Variants in SLC35F3 observed in about 807,000 individuals in gnomAD.
SLC35F3 encodes solute carrier family 35 member F3.
A neutral mutation model predicts 49.9 loss-of-function variants in SLC35F3; 25 were observed. The observed-to-expected ratio is 0.50, with a 90% CI of 0.37 to 0.70. The LOEUF (loss-of-function observed/expected upper bound fraction) is 0.70. Among genes scored for constraint, SLC35F3 ranks in the 30% least tolerant of loss-of-function variants. The probability of loss-of-function intolerance (pLI) is 0.00; values close to 1 mark genes in which losing one functional copy is unlikely to be tolerated. For synonymous variants in SLC35F3, 275 were observed against 265.4 expected (o/e 1.04, Z -0.35); for missense variants, 525 against 639.8 (o/e 0.82, Z 1.94).
chr1:234,243,287 A>G (rs1477320467), intron 3 of SLC35F3, among the ~76,000 whole-genome samples: 3 of 152,132 alleles, frequency 2.0e-5, no homozygotes, highest in Admixed American at 6.6e-5. Flanking sequence ...CCTGGGAGAC[A>G]GAGGTTGCAG....
chr1:233,926,797 G>A (rs1662167581), intron 2 of SLC35F3, among the ~76,000 whole-genome samples: 1 of 152,114 alleles, frequency 6.6e-6, no homozygotes, highest in Non-Finnish European at 1.5e-5. Flanking sequence ...CTTTGATGAT[G>A]GCGACCTACA....
chr1:234,315,816 G>GT (rs541891027), intron 4 of SLC35F3, among the ~76,000 whole-genome samples: 121 of 152,190 alleles, frequency 8.0e-4, no homozygotes, highest in Non-Finnish European at 1.5e-3. Context: ...ATCAGTCCTT[G>GT]TATTGATTCT....
chr1:234,299,142 T>C (rs942058003), intron 3 of SLC35F3, among the ~76,000 whole-genome samples: 1 of 152,164 alleles, frequency 6.6e-6, no homozygotes, highest in Non-Finnish European at 1.5e-5. Flanking sequence ...CAGAAGTCAA[T>C]TTAAATTCCA....
At chr1:234,275,771 T>C (rs1668200047) in intron 3 of SLC35F3, among the ~76,000 whole-genome samples, 1 of 144,216 alleles carries the variant, frequency 6.9e-6, no homozygotes. Context: ...AAAATATATA[T>C]ATATATATAT....
At position 234,263,513 on chromosome 1, in the gene SLC35F3, A is replaced by G. The variant is rs556447045; in HGVS notation, c.608+31772A>G. On this transcript the variant is annotated intron_variant, in intron 3 of 7. Coordinates refer to ENST00000366618, the MANE Select transcript of SLC35F3 (RefSeq NM_173508.4). ...GCAACAGCATTTTGAGCCTTGATTT[A>G]AGGCTGGGAGGTTCTCAAAATGTGA... Among the ~76,000 whole-genome samples the G allele has an allele frequency of 2.0e-5, 3 of 152,212 alleles. 1 individual carries two copies. The highest frequency in any genetic ancestry group is 7.2e-5 in the African/African-American group (3 of 41,530).
rs557308033 is a variant in SLC35F3, at chr1:234,320,584, G to GA, written c.1237+405dup. On this transcript the variant is annotated intron_variant, in intron 7 of 7. Coordinates refer to ENST00000366618, the MANE Select transcript of SLC35F3 (RefSeq NM_173508.4). The surrounding 1 kb of genome is among the most constrained non-coding windows in gnomAD (Gnocchi z 4.8). ...AACAAATGTAGGAAATGATGTAGCAGAAAAAAAATGTCACTTTTGCAGGTA... is the reference window on the plus strand; with the variant it reads ...AACAAATGTAGGAAATGATGTAGCAGAAAAAAAAATGTCACTTTTGCAGGTA... 3.9e-5 allele frequency among the ~76,000 whole-genome samples: 6 copies of GA among 152,056 alleles called. No homozygotes were observed. The highest frequency in any genetic ancestry group is 2.1e-4 in the South Asian group (1 of 4,816).
In SLC35F3 at chr1:234,316,591, C is replaced by G. The variant is rs758067799; in HGVS notation, c.829-11C>G. On this transcript the variant is annotated splice_polypyrimidine_tract_variant and intron_variant, in intron 4 of 7. Coordinates refer to ENST00000366618, the MANE Select transcript of SLC35F3 (RefSeq NM_173508.4). ...GACTTCCCTGACCAGCATTTTCTTC[C>G]GTCTGTCCAGATTGTGGCCGCCATC... The G allele has an allele frequency of 7.5e-6, 12 of 1,600,562 alleles. No individual in the cohort carries two copies. The South Asian group carries it at 8.8e-5, about 12-fold the overall frequency.
chr1:234,260,718 T>C (rs994968677), intron 3 of SLC35F3, among the ~76,000 whole-genome samples: 1 of 152,160 alleles, frequency 6.6e-6, no homozygotes, highest in Non-Finnish European at 1.5e-5. Flanking sequence ...CTTAATGTAG[T>C]CAGGTTAGTA....
chr1:234,241,056 G>T (rs149110966), intron 3 of SLC35F3, among the ~76,000 whole-genome samples: 1 of 152,316 alleles, frequency 6.6e-6, no homozygotes, highest in Admixed American at 6.5e-5. Flanking sequence ...AAGCAAAAAG[G>T]AGAAAACATG....
At chr1:234,201,102 A>G (rs1408643560) in intron 2 of SLC35F3, among the ~76,000 whole-genome samples, 1 of 152,226 alleles carries the variant, frequency 6.6e-6, no homozygotes, top group Non-Finnish European at 1.5e-5. Flanking sequence ...GCAGCAGAGA[A>G]CAGTCACCAA....
intron 2 of SLC35F3, among the ~76,000 whole-genome samples, chr1:233,932,072 T>A (rs1167467386): frequency 6.6e-6 from 1 of 151,788 alleles, no homozygotes; most frequent in South Asian, 2.1e-4. Context: ...ATATTCTCAC[T>A]CATAAGTGGA....
chr1:234,025,519 G>A (rs137979967), intron 2 of SLC35F3, among the ~76,000 whole-genome samples: 102 of 152,268 alleles, frequency 6.7e-4, no homozygotes, highest in Non-Finnish European at 9.4e-4. Flanking sequence ...ATTCTGACTG[G>A]TTTGAGATGG....
chr1:233,984,910 A>G (rs1663242442), intron 2 of SLC35F3, among the ~76,000 whole-genome samples: 1 of 152,182 alleles, frequency 6.6e-6, no homozygotes, highest in Non-Finnish European at 1.5e-5. Context: ...AGCTGCTATC[A>G]TCTTCTTGTT....
intron 2 of SLC35F3, among the ~76,000 whole-genome samples, chr1:234,161,886 G>A (rs778930470): frequency 5.9e-5 from 9 of 152,098 alleles, no homozygotes; most frequent in Admixed American, 3.3e-4. Flanking sequence ...TGGATCTCCC[G>A]CTGAATGCAA....
intron 2 of SLC35F3, among the ~76,000 whole-genome samples, chr1:234,185,246 G>A (rs1033605898): frequency 1.3e-5 from 2 of 152,168 alleles, no homozygotes; most frequent in East Asian, 1.9e-4. Context: ...GAGAAGGAGA[G>A]GACACTTTGG....
At chr1:234,017,763 T>G (rs1572021097) in intron 2 of SLC35F3, among the ~76,000 whole-genome samples, 1 of 146,810 alleles carries the variant, frequency 6.8e-6, no homozygotes, top group South Asian at 2.2e-4. Flanking sequence ...GGTGCAAAAG[T>G]AATTGCTGTT....
At chr1:234,107,750 A>G (rs2061404) in intron 2 of SLC35F3, among the ~76,000 whole-genome samples, 21,805 of 152,160 alleles carry the variant, frequency 0.14, 3,243 homozygotes, top group East Asian at 0.81. Context: ...TTTACAAATC[A>G]AATGAGAAAG....
At chr1:234,158,028 C>T (rs746879224) in intron 2 of SLC35F3, among the ~76,000 whole-genome samples, 1 of 152,192 alleles carries the variant, frequency 6.6e-6, no homozygotes, top group Non-Finnish European at 1.5e-5. Context: ...CAGTCATCTA[C>T]TTCCGGGACT....
intron 2 of SLC35F3, among the ~76,000 whole-genome samples, chr1:234,149,651 C>T (rs1666043340): frequency 6.6e-6 from 1 of 152,072 alleles, no homozygotes; most frequent in Non-Finnish European, 1.5e-5. Flanking sequence ...TTTCTTCCTG[C>T]CCTTAAAAAA....
Sources: allele counts gnomAD v4.1 joint callset (sites outside exome capture counted in the v4.1 genomes callset), GRCh38; gene constraint gnomAD v4.1.1; non-coding constraint Gnocchi (gnomAD v3.1); transcripts MANE v1.5; gene names NCBI Gene and HGNC (gene_info 2026-07-23, HGNC 2026-07-21).